MOB1B: variants seen among roughly 807,000 people sequenced by gnomAD.
MOB1B encodes MOB kinase activator 1B.
In MOB1B, 19 loss-of-function variants were observed where a neutral mutation model predicts 24.4. The observed-to-expected ratio is 0.78, with a 90% CI of 0.54 to 1.14. MOB1B has a LOEUF of 1.14. Ranked by LOEUF, MOB1B falls within the 50% of genes most tolerant of loss-of-function variation. The pLI is 0.00. For missense variants in MOB1B, 243 were observed against 259.6 expected (o/e 0.94, Z 0.44); for synonymous variants, 76 against 82.1 (o/e 0.93, Z 0.40).
Position 70,982,925 on chromosome 4 carries a change from A to C in MOB1B, c.*868A>C, listed in dbSNP as rs959611554. 6.6e-6 allele frequency: 1 copy of C among 152,548 alleles called. No homozygotes were observed. The highest frequency in any genetic ancestry group is 2.4e-5 in the African/African-American group (1 of 41,438). The allele number at this position is 152,548 out of a possible 1,614,324, so 9.4% of individuals were successfully genotyped here. On this transcript the variant is annotated 3_prime_UTR_variant, in exon 6 of 6. Coordinates refer to ENST00000309395, the MANE Select transcript of MOB1B (RefSeq NM_173468.4). ...CCGTAAGTCTGCAGAATTCCCTTCT[A>C]CTTTGAAGAGAAGGGGATAGGAATG...
chr4:70,947,449 C>G (rs1027085764), intron 1 of MOB1B, among the ~76,000 whole-genome samples: 6 of 151,582 alleles, frequency 4.0e-5, no homozygotes, highest in African/African-American at 1.5e-4. Context: ...GGTTTTTTTC[C>G]CCCCCGCCAG....
chr4:70,949,663 G>A (rs1737721750), intron 1 of MOB1B, among the ~76,000 whole-genome samples: 1 of 151,968 alleles, frequency 6.6e-6, no homozygotes, highest in East Asian at 1.9e-4. Context: ...GGGGATGGGG[G>A]GATCACTTGA....
chr4:70,962,766 C>T (rs144064844), intron 2 of MOB1B, among the ~76,000 whole-genome samples: 1,643 of 152,090 alleles, frequency 0.011, 28 homozygotes, highest in African/African-American at 0.038. Flanking sequence ...TGGGAGGCCA[C>T]GGTGGGTGGA....
At chr4:70,945,757 T>C (rs1428682990) in intron 1 of MOB1B, among the ~76,000 whole-genome samples, 1 of 152,200 alleles carries the variant, frequency 6.6e-6, no homozygotes, top group Admixed American at 6.5e-5. Flanking sequence ...GATAGTATCC[T>C]GTCTGAACAC....
At chr4:70,967,987 G>A (rs1738604383) in intron 2 of MOB1B, among the ~76,000 whole-genome samples, 1 of 152,030 alleles carries the variant, frequency 6.6e-6, no homozygotes, top group African/African-American at 2.4e-5. Context: ...TTACAGGCAT[G>A]ACCACCATGC....
At chr4:70,976,334 T>C in intron 4 of MOB1B, 1 of 985,216 alleles carries the variant, frequency 1.0e-6, no homozygotes, top group Non-Finnish European at 1.2e-6. Flanking sequence ...CAGTGTTATT[T>C]AGTAATATAT....
At chr4:70,903,881 C>T (rs1435538612) in intron 1 of MOB1B, among the ~76,000 whole-genome samples, 1 of 151,432 alleles carries the variant, frequency 6.6e-6, no homozygotes, top group Non-Finnish European at 1.5e-5. Flanking sequence ...TAGGCTCCTC[C>T]TAGAAGTTGA....
chr4:70,967,761 G>A (rs1471276812), intron 2 of MOB1B, among the ~76,000 whole-genome samples: 1 of 152,034 alleles, frequency 6.6e-6, no homozygotes, highest in Admixed American at 6.5e-5. Context: ...ATCAACCTAG[G>A]AACAAATCTA....
intron 1 of MOB1B, among the ~76,000 whole-genome samples, chr4:70,929,810 T>A (rs1736814064): frequency 6.6e-6 from 1 of 151,922 alleles, no homozygotes; most frequent in East Asian, 1.9e-4. Context: ...TGCGCCCAGC[T>A]AATTTTTTGT....
chr4:70,916,447 A>G (rs1198226353), intron 1 of MOB1B, among the ~76,000 whole-genome samples: 2 of 152,234 alleles, frequency 1.3e-5, no homozygotes, highest in Admixed American at 1.3e-4. Flanking sequence ...GGAGGGTAAT[A>G]CCAAGAGTTG....
At chr4:70,921,661 G>A (rs1242260646) in intron 1 of MOB1B, among the ~76,000 whole-genome samples, 2 of 151,752 alleles carry the variant, frequency 1.3e-5, no homozygotes, top group African/African-American at 2.4e-5. Flanking sequence ...GGCATGTGCC[G>A]CTATGCCCAG....
In MOB1B at chr4:70,979,177, A is replaced by T. The variant is rs1462145428; in HGVS notation, c.459A>T (p.Lys153Asn). ...TGTCTGTGGCAAAAACTATACTCAAACGCCTCTTTAGGGTTTATGCTCACA... is the reference window on the plus strand; with the variant it reads ...TGTCTGTGGCAAAAACTATACTCAATCGCCTCTTTAGGGTTTATGCTCACA... ...NFMSVAKTIL[K>N]RLFRVYAHIY... Residue 153 changes from lysine to asparagine, a missense_variant, in exon 5 of 6, where the codon AAA becomes AAT. By Grantham distance (94) the Lys-to-Asn change is moderately conservative (BLOSUM62 0). Transcript: ENST00000309395. 41 of 1,613,186 alleles carry T rather than the reference A, an allele frequency of 2.5e-5. No individual in the cohort carries two copies. The highest frequency in any genetic ancestry group is 3.2e-5 in the Non-Finnish European group (38 of 1,179,666).
At chr4:70,918,959 C>T (rs1463930615) in intron 1 of MOB1B, among the ~76,000 whole-genome samples, 2 of 152,016 alleles carry the variant, frequency 1.3e-5, no homozygotes, top group African/African-American at 4.8e-5. Flanking sequence ...ACATATACAC[C>T]ATGGAATACT....
chr4:70,902,415 C>T lies in MOB1B; in HGVS notation c.-122C>T. The T allele has an allele frequency of 2.8e-6, 3 of 1,086,362 alleles. No homozygotes were observed. The highest frequency in any genetic ancestry group is 4.1e-6 in the Non-Finnish European group (3 of 725,838). 67.3% of individuals were successfully genotyped at this position (1,086,362 alleles called of 1,614,324 possible). A position where few individuals can be genotyped will look rare whatever the true frequency, so the allele number is the denominator to read the frequency against. ...CTAGTTGCGGCCACCGAGCAGCCGGCTCTCGGCACCTCCTCCTCCGCCTCC... is the reference window on the plus strand; with the variant it reads ...CTAGTTGCGGCCACCGAGCAGCCGGTTCTCGGCACCTCCTCCTCCGCCTCC... On this transcript the variant is annotated 5_prime_UTR_variant, in exon 1 of 6. Transcript: ENST00000309395.
At chr4:70,925,013 GC>G (rs1189965633) in intron 1 of MOB1B, among the ~76,000 whole-genome samples, 6 of 152,024 alleles carry the variant, frequency 3.9e-5, no homozygotes, top group African/African-American at 1.4e-4. Context: ...ACCAAAATTT[GC>G]TTTAGTTGAG....
At chr4:70,943,871 TA>T (rs940351838) in intron 1 of MOB1B, among the ~76,000 whole-genome samples, 30 of 149,330 alleles carry the variant, frequency 2.0e-4, no homozygotes, top group Non-Finnish European at 2.8e-4. Flanking sequence ...TCAATCAAAA[TA>T]AAAAAAAACA....
intron 1 of MOB1B, among the ~76,000 whole-genome samples, chr4:70,943,250 T>A (rs1737422462): frequency 6.6e-6 from 1 of 152,180 alleles, no homozygotes; most frequent in Admixed American, 6.5e-5. Context: ...ATGGGGTGGT[T>A]CAGCTTTTAT....
chr4:70,976,651 A>G (rs1739009173), intron 4 of MOB1B: 5 of 973,444 alleles, frequency 5.1e-6, no homozygotes, highest in Non-Finnish European at 6.1e-6. Flanking sequence ...TGTGACAACA[A>G]TATAAATAGT....
At chr4:70,916,265 TC>T (rs1403421780) in intron 1 of MOB1B, among the ~76,000 whole-genome samples, 1 of 152,200 alleles carries the variant, frequency 6.6e-6, no homozygotes, top group Non-Finnish European at 1.5e-5. Context: ...GGGTTTCTGG[TC>T]TCAGCACGTC....
Sources: gnomAD v4.1 joint callset for allele counts (sites outside exome capture counted in the v4.1 genomes callset) on GRCh38, gnomAD v4.1.1 for gene constraint, MANE v1.5 for transcripts, NCBI Gene and HGNC (gene_info 2026-07-23, HGNC 2026-07-21) for gene names.